Variants in TECPR1 observed in about 807,000 individuals in gnomAD.
TECPR1 encodes tectonin beta-propeller repeat containing 1, also known as tectonin beta-propeller repeat-containing protein 1.
A neutral mutation model predicts 162.4 loss-of-function variants in TECPR1; 122 were observed. The observed-to-expected ratio is 0.75, with a 90% CI of 0.65 to 0.87. The LOEUF (loss-of-function observed/expected upper bound fraction) is 0.87, where lower values mean the gene tolerates loss of function less well. TECPR1 is among the 40% of genes least tolerant of loss of function. The pLI is 0.00. For synonymous variants in TECPR1, 642 were observed against 670.6 expected (o/e 0.96, Z 0.66); for missense variants, 1,432 against 1,618.2 (o/e 0.88, Z 1.97).
intron 19 of TECPR1, 106 bp downstream of exon 19, chr7:98,224,695 A>AG (rs2116545798): frequency 1.7e-6 from 2 of 1,146,316 alleles, no homozygotes; most frequent in Non-Finnish European, 2.5e-6. Context: ...GGCCAGGCCT[A>AG]GGGGGCAGGG....
chr7:98,238,419 G>A (rs1357502052), intron 9 of TECPR1, 90 bp downstream of exon 9: 9 of 1,065,012 alleles, frequency 8.5e-6, no homozygotes, highest in Admixed American at 2.0e-5. Context: ...CTCTCCTACA[G>A]TGGGAAGCGG....
chr7:98,215,016 T>C lies in TECPR1; in HGVS notation c.*2374A>G, dbSNP rs78992679. On this transcript the variant is annotated 3_prime_UTR_variant, in exon 26 of 26. Coordinates refer to ENST00000447648, the MANE Select transcript of TECPR1 (RefSeq NM_015395.3). ...GGGACAGGGGCCAGGTCCACTCCCT[T>C]GGCCCTCCTCTTGGACCCCAAGGCC... 6.6e-6 allele frequency: 1 copy of C among 152,308 alleles called. No individual in the cohort carries two copies. Among genetic ancestry groups the C allele is most frequent in the African/African-American group, 2.4e-5 (1 of 41,454 alleles). The allele number at this position is 152,308 out of a possible 1,614,324, so 9.4% of individuals were successfully genotyped here.
chr7:98,227,351 C>T (rs1798301753), intron 17 of TECPR1, among the ~76,000 whole-genome samples: 1 of 148,572 alleles, frequency 6.7e-6, no homozygotes. Context: ...AAGATCGCGC[C>T]ACTGCACTCC....
At chr7:98,224,723 G>A in intron 19 of TECPR1, 78 bp downstream of exon 19, 1 of 1,376,634 alleles carries the variant, frequency 7.3e-7, no homozygotes, top group East Asian at 2.5e-5. Context: ...TGGAAGAGCA[G>A]TGAGGCCAGA....
At chr7:98,217,655 G>C (rs1319688478) in intron 25 of TECPR1, 37 bp downstream of exon 25, 24 of 1,522,186 alleles carry the variant, frequency 1.6e-5, no homozygotes, top group Non-Finnish European at 1.6e-5. Context: ...GCAGGCACAA[G>C]GTGATAACAC....
chr7:98,247,545 C>T (rs938929341), intron 2 of TECPR1, among the ~76,000 whole-genome samples: 1 of 152,048 alleles, frequency 6.6e-6, no homozygotes, highest in Middle Eastern at 3.2e-3. Context: ...CCAGAGTGGG[C>T]AGGTCTCCCC....
rs1798427801 is a variant in TECPR1, at chr7:98,231,268, G to GC, written c.2079dup (p.Pro694AlafsTer14). ...TCGGTGGCAGCAGCCAGACGCACCGGCCACCTCTGCCGTGTCCGCTCAGGG... is the reference window on the plus strand; with the variant it reads ...TCGGTGGCAGCAGCCAGACGCACCGGCCCACCTCTGCCGTGTCCGCTCAGGG... On this transcript the variant is annotated frameshift_variant, in exon 14 of 26. Coordinates refer to ENST00000447648, the MANE Select transcript of TECPR1 (RefSeq NM_015395.3). LOFTEE classifies it high-confidence loss of function. 1 of 1,612,950 alleles carries GC rather than the reference G, an allele frequency of 6.2e-7. No homozygotes were observed. Among genetic ancestry groups the GC allele is most frequent in the East Asian group, 2.2e-5 (1 of 44,848 alleles).
At chr7:98,239,903 T>G (rs1399241416) in intron 8 of TECPR1, among the ~76,000 whole-genome samples, 1 of 151,848 alleles carries the variant, frequency 6.6e-6, no homozygotes, top group East Asian at 1.9e-4. Flanking sequence ...GAGGTCAGGA[T>G]ATCGAGACCA....
At chr7:98,222,895 G>A in intron 21 of TECPR1, 95 bp downstream of exon 21, 2 of 1,503,720 alleles carry the variant, frequency 1.3e-6, no homozygotes, top group Non-Finnish European at 1.8e-6. Context: ...GTGTCCACTG[G>A]TCCTAGGGGC....
In TECPR1 at chr7:98,238,527, G is replaced by A. The variant is rs769134413; in HGVS notation, c.1017C>T (p.Asn339=). ...TGCACACCTGGTCGTTCATTCCCAC[G>A]TTCACCATCGTCATCTCACCAACCA... ...IEMVGEMTMV[N]VGMNDQVWGI... Residue 339 remains asparagine, a synonymous_variant, in exon 9 of 26, where the codon AAC becomes AAT. Transcript: ENST00000447648. The A allele has an allele frequency of 3.8e-6, 6 of 1,567,274 alleles. No homozygotes were observed. Among genetic ancestry groups the A allele is most frequent in the East Asian group, 2.4e-5 (1 of 42,366 alleles).
At chr7:98,221,128 C>T (rs1356031249) in intron 23 of TECPR1, among the ~76,000 whole-genome samples, 8 of 151,784 alleles carry the variant, frequency 5.3e-5, no homozygotes. Context: ...ATGGTGAAAC[C>T]CCGCCTCTAC....
Position 98,241,350 on chromosome 7 carries a change from C to G in TECPR1, c.658-106G>C. On this transcript the variant is annotated intron_variant, in intron 6 of 25. Transcript: ENST00000447648. This position sits in a 1 kb window ranked among gnomAD's most constrained non-coding sequence, Gnocchi z 5.0. ...GTAGGACCCATGTCCCCTGACCGTC[C>G]AGATCTCACTCCCTGCCCCCTACCC... The G allele has an allele frequency of 7.2e-7, 1 of 1,389,838 alleles. No homozygotes were observed. The highest frequency in any genetic ancestry group is 9.9e-7 in the Non-Finnish European group (1 of 1,008,178). The allele number at this position is 1,389,838 out of a possible 1,614,324, so 86.1% of individuals were successfully genotyped here.
At chr7:98,248,834 C>T (rs1294036952) in intron 2 of TECPR1, among the ~76,000 whole-genome samples, 1 of 144,802 alleles carries the variant, frequency 6.9e-6, no homozygotes, top group Non-Finnish European at 1.5e-5. Flanking sequence ...TGACAGAGTG[C>T]GACTCCGTCT....
intron 6 of TECPR1, among the ~76,000 whole-genome samples, chr7:98,242,798 C>CCATCCATCCAT (rs1554402379): frequency 1.4e-4 from 2 of 14,362 alleles, no homozygotes; most frequent in Non-Finnish European, 4.6e-4. Flanking sequence ...CATCCATCCA[C>CCATCCATCCAT]CCATCCATCC....
chr7:98,222,567 C>A (rs1342603957), intron 21 of TECPR1, 46 bp from the exon 22 acceptor site: 4 of 1,540,834 alleles, frequency 2.6e-6, no homozygotes, highest in Middle Eastern at 2.3e-4. Context: ...GGCCCCCACC[C>A]CCAGGGCCCC....
intron 2 of TECPR1, among the ~76,000 whole-genome samples, chr7:98,247,518 TC>T (rs980199702): frequency 6.6e-6 from 1 of 151,938 alleles, no homozygotes; most frequent in African/African-American, 2.4e-5. Context: ...CCCCACTACT[TC>T]CCCAGGGGTC....
Position 98,232,800 on chromosome 7 carries a change from T to C in TECPR1, c.1818+27A>G, listed in dbSNP as rs1217084292. 3 of 1,492,246 alleles carry C rather than the reference T, an allele frequency of 2.0e-6. No homozygotes were observed. The highest frequency in any genetic ancestry group is 2.5e-5 in the East Asian group (1 of 40,700). 92.4% of individuals were successfully genotyped at this position (1,492,246 alleles called of 1,614,324 possible). ...ATGATTGCTGGAAAAAAAAAAAAAATGCATGCGCAGCCACCGGGGCACCCA... is the reference window on the plus strand; with the variant it reads ...ATGATTGCTGGAAAAAAAAAAAAAACGCATGCGCAGCCACCGGGGCACCCA... On this transcript the variant is annotated intron_variant, in intron 12 of 25. Coordinates refer to ENST00000447648, the MANE Select transcript of TECPR1 (RefSeq NM_015395.3). The surrounding 1 kb of genome is among the most constrained non-coding windows in gnomAD (Gnocchi z 4.6).
In TECPR1 at chr7:98,231,861, G is replaced by C. The variant is rs770780409; in HGVS notation, c.1917C>G (p.His639Gln). Residue 639 changes from histidine (H) to glutamine (Q), a missense_variant, in exon 13 of 26, where the codon CAC becomes CAG. Physicochemically the swap from His to Gln is conservative, Grantham distance 24 (BLOSUM62 0). Coordinates refer to ENST00000447648, the MANE Select transcript of TECPR1 (RefSeq NM_015395.3). ...VRLALEQFTG[H>Q]DGVRDSILFI... ...AGAGGATGCTGTCCCGGACGCCGTC[G>C]TGCCCCGTGAACTGCTCCAGGGCCA... The C allele has an allele frequency of 6.2e-7, 1 of 1,612,652 alleles. No individual in the cohort carries two copies. Among genetic ancestry groups the C allele is most frequent in the Admixed American group, 1.7e-5 (1 of 59,992 alleles).
rs373744345 is a variant in TECPR1, at chr7:98,224,848, C to G, written c.2643G>C (p.Pro881=). Residue 881 remains proline, a synonymous_variant, in exon 19 of 26, where the codon CCG becomes CCC. Coordinates refer to ENST00000447648, the MANE Select transcript of TECPR1 (RefSeq NM_015395.3). ...GCCACCCCTCCTGGTCCGTGCCCCC[C>G]GGAACGCTGAAATCCACGAACCAGT... is the stretch of plus-strand genomic sequence containing the variant. ...VSDWFVDFSV[P]GGTDQEGWQY... The G allele has an allele frequency of 3.2e-6, 5 of 1,575,370 alleles. No individual in the cohort carries two copies. Among genetic ancestry groups the G allele is most frequent in the Non-Finnish European group, 3.4e-6 (4 of 1,161,102 alleles).
Sources: gnomAD v4.1 joint callset for allele counts (sites outside exome capture counted in the v4.1 genomes callset) on GRCh38, gnomAD v4.1.1 for gene constraint, Gnocchi (gnomAD v3.1) non-coding constraint, MANE v1.5 for transcripts, NCBI Gene and HGNC (gene_info 2026-07-23, HGNC 2026-07-21) for gene names.